The following TAF4B variants were observed in gnomAD, a reference collection of about 807,000 sequenced individuals.
TAF4B encodes transcription initiation factor TFIID subunit 4B.
Under a neutral mutation model 86.4 loss-of-function variants are expected in TAF4B, and 38 were observed. That is an observed-to-expected ratio of 0.44 (90% CI 0.34 to 0.58). The LOEUF (loss-of-function observed/expected upper bound fraction) is 0.58, where lower values mean the gene tolerates loss of function less well. Among genes scored for constraint, TAF4B ranks in the 20% least tolerant of loss-of-function variants. The pLI is 0.02. For synonymous variants in TAF4B, 388 were observed against 391.2 expected (o/e 0.99, Z 0.10); for missense variants, 988 against 1,027.6 (o/e 0.96, Z 0.53).
intron 14 of TAF4B, among the ~76,000 whole-genome samples, chr18:26,358,180 C>G (rs1031443846): frequency 6.6e-6 from 1 of 152,156 alleles, no homozygotes; most frequent in Non-Finnish European, 1.5e-5. Flanking sequence ...TTCATAAACC[C>G]TGACTATTCA....
intron 14 of TAF4B, among the ~76,000 whole-genome samples, chr18:26,371,400 C>T (rs1279726042): frequency 2.0e-5 from 3 of 152,186 alleles, no homozygotes; most frequent in Non-Finnish European, 4.4e-5. Context: ...GGGAGCCTCA[C>T]CACCCTTCAG....
intron 1 of TAF4B, among the ~76,000 whole-genome samples, chr18:26,243,760 G>C (rs2055878948): frequency 6.6e-6 from 1 of 152,152 alleles, no homozygotes; most frequent in Admixed American, 6.5e-5. Context: ...GTACAGATGG[G>C]GTTTTGGTGT....
At chr18:26,372,294 T>C (rs1371795137) in intron 14 of TAF4B, among the ~76,000 whole-genome samples, 1 of 152,228 alleles carries the variant, frequency 6.6e-6, no homozygotes, top group Admixed American at 6.5e-5. Flanking sequence ...GTGATTCTTA[T>C]TACATTCCCA....
At chr18:26,263,777 G>A (rs941246666) in intron 1 of TAF4B, among the ~76,000 whole-genome samples, 1 of 151,306 alleles carries the variant, frequency 6.6e-6, no homozygotes, top group East Asian at 2.0e-4. Flanking sequence ...GTGTAGATGC[G>A]ATCATAGCTC....
chr18:26,384,374 C>T (rs1442802431), intron 14 of TAF4B, among the ~76,000 whole-genome samples: 1 of 152,160 alleles, frequency 6.6e-6, no homozygotes, highest in Non-Finnish European at 1.5e-5. Context: ...TATTGAAAAG[C>T]TTAGTTGATT....
intron 9 of TAF4B, among the ~76,000 whole-genome samples, chr18:26,304,520 C>G (rs2056774617): frequency 6.6e-6 from 1 of 152,088 alleles, no homozygotes; most frequent in African/African-American, 2.4e-5. Flanking sequence ...TCAGATTAAA[C>G]CTGAGGGTCT....
At chr18:26,301,823 C>T (rs1037340596) in intron 9 of TAF4B, among the ~76,000 whole-genome samples, 3 of 152,190 alleles carry the variant, frequency 2.0e-5, no homozygotes, top group Non-Finnish European at 2.9e-5. Flanking sequence ...GTCTCTCTCT[C>T]TCCTCATGAG....
chr18:26,390,144 A>G lies in TAF4B; in HGVS notation c.*132A>G, dbSNP rs185334015. 259 of 891,808 alleles carry G rather than the reference A, an allele frequency of 2.9e-4. No homozygotes were observed. In the African/African-American group the frequency reaches 4.0e-3, roughly 14 times the overall value. 55.2% of individuals were successfully genotyped at this position (891,808 alleles called of 1,614,324 possible). A position where few individuals can be genotyped will look rare whatever the true frequency, so the allele number is the denominator to read the frequency against. On this transcript the variant is annotated 3_prime_UTR_variant, in exon 15 of 15. Transcript: ENST00000269142. ...GAAAGAGCATTGTTTACAGTTAGAA[A>G]CTTTATTAACTCTTACCTATCCATC...
intron 9 of TAF4B, among the ~76,000 whole-genome samples, chr18:26,308,640 A>T (rs1451601681): frequency 6.6e-6 from 1 of 152,122 alleles, no homozygotes; most frequent in East Asian, 1.9e-4. Flanking sequence ...TGGGAGGCCG[A>T]GGTGGGCGGA....
At chr18:26,315,145 TGTCTCTCTCTCTCTCTCACACACACACA>T (rs2056893716) in intron 9 of TAF4B, 56 bp from the exon 10 acceptor site, 1 of 160,502 alleles carries the variant, frequency 6.2e-6, no homozygotes, top group African/African-American at 7.3e-5. Flanking sequence ...TCTCTCTCTC[TGTCTCTCTCTCTCTCTCACACACACACA>T]CACACACACA....
intron 8 of TAF4B, 116 bp downstream of exon 8, chr18:26,292,497 C>G: frequency 9.2e-7 from 1 of 1,084,792 alleles, no homozygotes; most frequent in Non-Finnish European, 1.3e-6. Flanking sequence ...AAGTTGGCAC[C>G]CATTGAGAGA....
intron 1 of TAF4B, among the ~76,000 whole-genome samples, chr18:26,229,525 C>G (rs190140724): frequency 1.5e-5 from 2 of 136,838 alleles, no homozygotes; most frequent in Non-Finnish European, 3.1e-5. Flanking sequence ...TTCTCTGAGA[C>G]GGAGTGTCAC....
At chr18:26,377,239 G>A (rs572088473) in intron 14 of TAF4B, among the ~76,000 whole-genome samples, 2 of 152,232 alleles carry the variant, frequency 1.3e-5, no homozygotes, top group Admixed American at 1.3e-4. Flanking sequence ...AGAAGAGCTT[G>A]TGAAGTATTG....
intron 7 of TAF4B, 143 bp from the exon 8 acceptor site, chr18:26,292,103 A>G (rs1404729617): frequency 2.4e-6 from 2 of 827,432 alleles, no homozygotes; most frequent in East Asian, 3.0e-5. Context: ...ATTTTGCTTC[A>G]TACAAATTTA....
chr18:26,233,699 A>T (rs1218110279), intron 1 of TAF4B, among the ~76,000 whole-genome samples: 1 of 152,082 alleles, frequency 6.6e-6, no homozygotes, highest in Non-Finnish European at 1.5e-5. Flanking sequence ...ATGAATTAGG[A>T]CTTAAACCAC....
Position 26,239,527 on chromosome 18 carries a change from C to T in TAF4B, c.343+12251C>T, listed in dbSNP as rs544409821. Among the ~76,000 whole-genome samples, 24 of 152,244 alleles carry T rather than the reference C, an allele frequency of 1.6e-4. No homozygotes were observed. In the East Asian group the frequency reaches 2.3e-3, roughly 15 times the overall value. On this transcript the variant is annotated intron_variant, in intron 1 of 14. Coordinates refer to ENST00000269142, the MANE Select transcript of TAF4B (RefSeq NM_005640.3). The stretch of plus-strand genomic sequence containing the variant: ...GGTAGATTGTAAAAATTTTCTCCCA[C>T]TCTGTAGGTTGCCTGTTCACTCTGA...
chr18:26,267,669 TA>T, intron 3 of TAF4B, 46 bp downstream of exon 3: 2 of 1,366,822 alleles, frequency 1.5e-6, no homozygotes, highest in African/African-American at 1.4e-5. Context: ...TCTTAACTTT[TA>T]AAAAAATCAT....
At chr18:26,237,583 G>C (rs2055768316) in intron 1 of TAF4B, among the ~76,000 whole-genome samples, 2 of 152,072 alleles carry the variant, frequency 1.3e-5, no homozygotes, top group Non-Finnish European at 2.9e-5. Flanking sequence ...GGAGCTGTAG[G>C]GAAGCTAGGA....
Position 26,287,747 on chromosome 18 carries a change from C to T in TAF4B, c.1590+1248C>T, listed in dbSNP as rs575923308. On this transcript the variant is annotated intron_variant, in intron 7 of 14. Coordinates refer to ENST00000269142, the MANE Select transcript of TAF4B (RefSeq NM_005640.3). ...CATTCTGCTTCTTGGGTAGCCTTTC[C>T]AGCCCTGTTTGTTTTATCAGAATAA... is the stretch of plus-strand genomic sequence containing the variant. Among the ~76,000 whole-genome samples the T allele has an allele frequency of 1.9e-3, 282 of 152,232 alleles. 1 individual carries two copies. Among genetic ancestry groups the T allele is most frequent in the African/African-American group, 6.6e-3 (274 of 41,526 alleles).
Sources: gnomAD v4.1 joint callset for allele counts (sites outside exome capture counted in the v4.1 genomes callset) on GRCh38, gnomAD v4.1.1 for gene constraint, MANE v1.5 for transcripts, NCBI Gene and HGNC (gene_info 2026-07-23, HGNC 2026-07-21) for gene names.